Variants in CADPS2 observed in about 807,000 individuals in gnomAD.
CADPS2 encodes the protein calcium dependent secretion activator 2.
CADPS2 carries 93 observed loss-of-function variants against 172.5 expected under a neutral mutation model. That is an observed-to-expected ratio of 0.54 (90% CI 0.46 to 0.64). The LOEUF is 0.64. Among genes scored for constraint, CADPS2 ranks in the 30% least tolerant of loss-of-function variants. The pLI, the probability that CADPS2 is intolerant of heterozygous loss-of-function variation, is 0.00. For synonymous variants in CADPS2, 546 were observed against 555.2 expected (o/e 0.98, Z 0.23); for missense variants, 1,420 against 1,565.9 (o/e 0.91, Z 1.57).
chr7:122,568,462 G>C (rs2066757106), intron 7 of CADPS2, among the ~76,000 whole-genome samples: 1 of 151,862 alleles, frequency 6.6e-6, no homozygotes. Context: ...CAAAACTATA[G>C]CAAGATATTT....
intron 7 of CADPS2, among the ~76,000 whole-genome samples, chr7:122,557,504 G>A (rs531602313): frequency 6.6e-6 from 1 of 152,132 alleles, no homozygotes; most frequent in South Asian, 2.1e-4. Context: ...TCCCTGTTCC[G>A]TTACTGTATA....
chr7:122,667,004 G>A (rs2081260009), intron 2 of CADPS2, among the ~76,000 whole-genome samples: 1 of 152,160 alleles, frequency 6.6e-6, no homozygotes, highest in African/African-American at 2.4e-5. Flanking sequence ...TGGGTACTCT[G>A]CTCCTTATTT....
chr7:122,717,687 C>T (rs540427031), intron 2 of CADPS2, among the ~76,000 whole-genome samples: 1 of 152,254 alleles, frequency 6.6e-6, no homozygotes, highest in Non-Finnish European at 1.5e-5. Flanking sequence ...AGCTAATGGG[C>T]CTTAAATTTA....
chr7:122,357,162 C>G (rs570971266), intron 27 of CADPS2, among the ~76,000 whole-genome samples: 1 of 152,148 alleles, frequency 6.6e-6, no homozygotes, highest in South Asian at 2.1e-4. Context: ...CATTCTAGTC[C>G]CCTTCCTTTG....
At chr7:122,727,146 T>C (rs1354969301) in intron 2 of CADPS2, among the ~76,000 whole-genome samples, 1 of 151,922 alleles carries the variant, frequency 6.6e-6, no homozygotes. Flanking sequence ...AAATGTGCCC[T>C]TCAAAGGATT....
At chr7:122,852,973 A>T (rs964089304) in intron 1 of CADPS2, among the ~76,000 whole-genome samples, 10 of 152,150 alleles carry the variant, frequency 6.6e-5, no homozygotes, top group African/African-American at 2.4e-4. Flanking sequence ...AATCCACCAT[A>T]AAAAAATCTA....
intron 2 of CADPS2, among the ~76,000 whole-genome samples, chr7:122,725,018 A>C (rs2090935412): frequency 6.6e-6 from 1 of 152,104 alleles, no homozygotes; most frequent in Admixed American, 6.6e-5. Context: ...TCATTAACAA[A>C]GTTTAAAAAG....
At chr7:122,442,865 C>T (rs2051553520) in intron 15 of CADPS2, among the ~76,000 whole-genome samples, 1 of 152,058 alleles carries the variant, frequency 6.6e-6, no homozygotes, top group Non-Finnish European at 1.5e-5. Context: ...GCTACATACT[C>T]CGCTACTCTC....
chr7:122,831,653 C>G (rs148541013), intron 1 of CADPS2, among the ~76,000 whole-genome samples: 228 of 152,256 alleles, frequency 1.5e-3, no homozygotes, highest in Middle Eastern at 0.01. Context: ...CAGCACAGGC[C>G]AAAGCCTGTA....
chr7:122,771,863 C>T (rs1163604988), intron 1 of CADPS2, among the ~76,000 whole-genome samples: 4 of 152,174 alleles, frequency 2.6e-5, no homozygotes, highest in Non-Finnish European at 5.9e-5. Context: ...AGAGTGTCAA[C>T]TGAACAGTGA....
chr7:122,686,739 C>T (rs1462180390), intron 2 of CADPS2, among the ~76,000 whole-genome samples: 1 of 152,172 alleles, frequency 6.6e-6, no homozygotes, highest in Non-Finnish European at 1.5e-5. Context: ...GGCTGGTGTG[C>T]AGTGGCACAA....
chr7:122,618,246 C>T (rs542733456), intron 5 of CADPS2, among the ~76,000 whole-genome samples: 3 of 152,070 alleles, frequency 2.0e-5, no homozygotes, highest in African/African-American at 4.8e-5. Flanking sequence ...TAATCCTGAA[C>T]GGCTGTTTTT....
chr7:122,534,504 G>A, intron 8 of CADPS2, among the ~76,000 whole-genome samples: 1 of 152,026 alleles, frequency 6.6e-6, no homozygotes, highest in East Asian at 1.9e-4. Context: ...TATAAATTGA[G>A]ATATTCACCA....
chr7:122,638,491 G>A (rs148829588), intron 3 of CADPS2, among the ~76,000 whole-genome samples: 4 of 152,214 alleles, frequency 2.6e-5, no homozygotes, highest in South Asian at 2.1e-4. Context: ...CTGTCAAGAG[G>A]GAGTAGAGCA....
chr7:122,663,150 G>T, intron 3 of CADPS2, 87 bp downstream of exon 3: 1 of 956,758 alleles, frequency 1.0e-6, no homozygotes, highest in Non-Finnish European at 1.5e-6. Flanking sequence ...ATTATAGCAA[G>T]TAAAGGACAT....
intron 2 of CADPS2, among the ~76,000 whole-genome samples, chr7:122,675,783 C>A (rs2471181): frequency 1.3e-5 from 2 of 151,876 alleles, no homozygotes; most frequent in African/African-American, 2.4e-5. Flanking sequence ...AACACATGCA[C>A]GCAGGGAGGG....
intron 28 of CADPS2, among the ~76,000 whole-genome samples, chr7:122,332,948 G>A (rs2150835327): frequency 6.6e-6 from 1 of 152,288 alleles, no homozygotes; most frequent in African/African-American, 2.4e-5. Context: ...GCACTAAAAA[G>A]ACTAGTAATT....
At chr7:122,341,512 G>A (rs955419613) in intron 28 of CADPS2, among the ~76,000 whole-genome samples, 1 of 152,162 alleles carries the variant, frequency 6.6e-6, no homozygotes, top group African/African-American at 2.4e-5. Context: ...AACTCACCCA[G>A]ATATTTAATG....
intron 1 of CADPS2, among the ~76,000 whole-genome samples, chr7:122,866,852 C>T (rs1327589238): frequency 3.9e-5 from 6 of 152,100 alleles, no homozygotes; most frequent in East Asian, 1.9e-4. Flanking sequence ...ACCTAAATTC[C>T]GAACATCTTA....
Sources: allele counts gnomAD v4.1 joint callset (sites outside exome capture counted in the v4.1 genomes callset), GRCh38; gene constraint gnomAD v4.1.1; transcripts MANE v1.5; gene names NCBI Gene and HGNC (gene_info 2026-07-23, HGNC 2026-07-21).